The following IL16 variants were observed in gnomAD, a reference collection of about 807,000 sequenced individuals.
IL16 encodes the protein interleukin 16, also known as pro-interleukin-16.
Under a neutral mutation model 110.1 loss-of-function variants are expected in IL16, and 67 were observed. The observed-to-expected ratio is 0.61, with a 90% CI of 0.50 to 0.75. The LOEUF is 0.75. Ranked by LOEUF, IL16 falls within the 30% of genes least tolerant of loss-of-function variation. IL16 has a pLI of 0.00. For missense variants in IL16, 1,545 were observed against 1,655.0 expected (o/e 0.93, Z 1.15); for synonymous variants, 689 against 662.9 (o/e 1.04, Z -0.61).
intron 17 of IL16, 60 bp downstream of exon 17, chr15:81,306,226 C>A: frequency 1.9e-6 from 3 of 1,577,790 alleles, no homozygotes; most frequent in Non-Finnish European, 2.6e-6. Context: ...CCATTTGGGG[C>A]CAGACCTGAT....
chr15:81,261,124 T>A (rs1898135137), intron 3 of IL16, among the ~76,000 whole-genome samples: 1 of 152,282 alleles, frequency 6.6e-6, no homozygotes, highest in African/African-American at 2.4e-5. Context: ...TTTGCTTTTT[T>A]ACTGTTTTGT....
chr15:81,304,800 C>T (rs1900470172), intron 16 of IL16, among the ~76,000 whole-genome samples: 2 of 152,146 alleles, frequency 1.3e-5, no homozygotes, highest in Admixed American at 1.3e-4. Flanking sequence ...GGATTCTAAC[C>T]ATGTAACAGA....
Position 81,239,585 on chromosome 15 carries a change from A to G in IL16, c.312+13874A>G, listed in dbSNP as rs77233862. On this transcript the variant is annotated intron_variant, in intron 2 of 18. Coordinates refer to ENST00000683961, the MANE Select transcript of IL16 (RefSeq NM_172217.5). ...GCTGCCCCTGAAGATGAACTGGACC[A>G]CTTGCCAGTGCCCCAGTGATAGAGT... 3.5e-4 allele frequency among the ~76,000 whole-genome samples: 54 copies of G among 152,334 alleles called. No individual in the cohort carries two copies. The East Asian group carries it at 0.01, about 28-fold the overall frequency.
intron 9 of IL16, 34 bp downstream of exon 9, chr15:81,282,790 C>G (rs1033314857): frequency 2.2e-6 from 3 of 1,375,960 alleles, no homozygotes; most frequent in African/African-American, 2.8e-5. Context: ...AATATACCCC[C>G]GACTTACAAC....
chr15:81,188,527 C>T, intron 1 of IL16: 1 of 439,808 alleles, frequency 2.3e-6, no homozygotes, highest in South Asian at 1.6e-5. Context: ...TCAGGTCAGA[C>T]ACTAGTCAGC....
intron 1 of IL16, among the ~76,000 whole-genome samples, chr15:81,218,367 G>A (rs72744134): frequency 0.085 from 12,895 of 152,108 alleles, 550 homozygotes; most frequent in Middle Eastern, 0.1. Flanking sequence ...AACGAATATA[G>A]AAACAAAACA....
intron 1 of IL16, among the ~76,000 whole-genome samples, chr15:81,219,546 C>A (rs567378853): frequency 6.6e-6 from 1 of 152,138 alleles, no homozygotes; most frequent in African/African-American, 2.4e-5. Context: ...ACCTGATGCC[C>A]CGCTCATGCC....
At chr15:81,299,237 A>G in intron 13 of IL16, 143 bp from the exon 14 acceptor site, 1 of 1,352,964 alleles carries the variant, frequency 7.4e-7, no homozygotes. Flanking sequence ...TAGCACCTGG[A>G]GTTCACCCAC....
In IL16 at chr15:81,225,555, C is replaced by A; in HGVS notation, c.156C>A (p.Gly52=). 1.3e-5 allele frequency: 21 copies of A among 1,614,096 alleles called. No individual in the cohort carries two copies. The highest frequency in any genetic ancestry group is 1.8e-5 in the Non-Finnish European group (21 of 1,180,014). Residue 52 remains glycine (G), a synonymous_variant, in exon 2 of 19, where the codon GGC becomes GGA. Transcript: ENST00000683961. ...CCTTTGAGATTTCCTTGGCCCAGGG[C>A]AAGGAGGGAATTTTCCACTCATCTG... ...PDPFEISLAQ[G]KEGIFHSSVQ...
intron 2 of IL16, among the ~76,000 whole-genome samples, chr15:81,242,749 T>C (rs948290100): frequency 6.6e-6 from 1 of 152,112 alleles, no homozygotes; most frequent in Non-Finnish European, 1.5e-5. Flanking sequence ...TCCAGTAGTA[T>C]GTTGAATGAG....
intron 8 of IL16, 109 bp downstream of exon 8, chr15:81,279,883 T>C: frequency 4.4e-6 from 4 of 905,948 alleles, no homozygotes; most frequent in Non-Finnish European, 6.9e-6. Flanking sequence ...ATGTTGTCTT[T>C]TAGCACATTT....
Position 81,265,659 on chromosome 15 carries a change from G to T in IL16, c.422G>T (p.Ser141Ile). Residue 141 changes from serine to isoleucine, a missense_variant and splice_region_variant, in exon 4 of 19, where the codon AGT becomes ATT. This residue lies in a region of IL16 where 1,185 missense variants were observed against 1,238.8 expected (regional missense o/e 0.96). Transcript: ENST00000683961. The part of the protein sequence containing the change: ...CHQRARSNST[S>I]VNPYCTREID... ...TGCTGTTTTTCCTCTTCTGGTTTAG[G>T]TGTTAATCCCTATTGCACAAGAGAA... 1.2e-6 allele frequency: 2 copies of T among 1,613,854 alleles called. No individual in the cohort carries two copies. The highest frequency in any genetic ancestry group is 1.7e-6 in the Non-Finnish European group (2 of 1,179,900).
At chr15:81,282,015 C>T (rs72746169) in intron 8 of IL16, among the ~76,000 whole-genome samples, 1,600 of 152,336 alleles carry the variant, frequency 0.011, 17 homozygotes, top group Non-Finnish European at 0.019. Flanking sequence ...CCTATGGCAT[C>T]CCTTCTCAGT....
At chr15:81,291,751 G>A (rs2054822557) in intron 11 of IL16, among the ~76,000 whole-genome samples, 1 of 152,158 alleles carries the variant, frequency 6.6e-6, no homozygotes, top group Non-Finnish European at 1.5e-5. Context: ...GAGGGAGGAA[G>A]GTGCAGTGGC....
chr15:81,293,344 C>A (rs1246117097), intron 12 of IL16, among the ~76,000 whole-genome samples: 1 of 152,206 alleles, frequency 6.6e-6, no homozygotes, highest in Non-Finnish European at 1.5e-5. Flanking sequence ...AGGGCCCCTG[C>A]AGGGTCTCAG....
At chr15:81,304,170 A>T (rs1900435323) in intron 16 of IL16, among the ~76,000 whole-genome samples, 1 of 152,230 alleles carries the variant, frequency 6.6e-6, no homozygotes. Context: ...CCTGCGTGTC[A>T]CTTCAGAGTC....
In IL16 at chr15:81,300,105, C is replaced by T. The variant is rs767842750; in HGVS notation, c.2779C>T (p.Arg927Trp). 1.0e-5 allele frequency: 16 copies of T among 1,585,824 alleles called. No homozygotes were observed. The highest frequency in any genetic ancestry group is 8.8e-5 in the Admixed American group (5 of 56,592). The change falls in exon 14 of 19, where the codon CGG (arginine) becomes TGG (tryptophan). Residue 927 changes from arginine (R) to tryptophan (W), a missense_variant. By Grantham distance (101) the Arg-to-Trp change is moderately radical. This residue lies in a region of IL16 where 1,185 missense variants were observed against 1,238.8 expected (regional missense o/e 0.96). Coordinates refer to ENST00000683961, the MANE Select transcript of IL16 (RefSeq NM_172217.5). ...PGVSESPPPG[R>W]QPNQKTLPPG... is the part of the protein sequence containing the mutation. The stretch of plus-strand genomic sequence containing the variant: ...TGTGTCTGAGTCCCCTCCCCCAGGG[C>T]GGCAGCCCAATCAGAAAACTCTCCC...
chr15:81,233,366 C>T (rs936693025), intron 2 of IL16, among the ~76,000 whole-genome samples: 6 of 151,266 alleles, frequency 4.0e-5, no homozygotes, highest in African/African-American at 9.7e-5. Flanking sequence ...CATTGATGTG[C>T]GTGTGTGTAT....
chr15:81,211,955 G>A (rs1037101834), intron 1 of IL16, among the ~76,000 whole-genome samples: 6 of 152,138 alleles, frequency 3.9e-5, no homozygotes, highest in African/African-American at 1.4e-4. Flanking sequence ...TTGGAGTGGG[G>A]TTTTCTTACT....
Sources: gnomAD v4.1 joint callset for allele counts (sites outside exome capture counted in the v4.1 genomes callset) on GRCh38, gnomAD v4.1.1 for gene constraint, gnomAD v4.1.1 regional missense constraint, MANE v1.5 for transcripts, NCBI Gene and HGNC (gene_info 2026-07-23, HGNC 2026-07-21) for gene names.